Variants in TACR1 observed in about 807,000 individuals in gnomAD.
TACR1 encodes tachykinin receptor 1.
TACR1 carries 25 observed loss-of-function variants against 35.8 expected under a neutral mutation model. The ratio of observed to expected loss-of-function variants is 0.70; its 90% CI spans 0.51 to 0.98. The LOEUF is 0.98. Among genes scored for constraint, TACR1 ranks in the 50% least tolerant of loss-of-function variants. The pLI is 0.00. For missense variants in TACR1, 478 were observed against 522.9 expected, an observed-to-expected ratio of 0.91 and a Z score of 0.84; for synonymous variants, 195 against 206.7, an observed-to-expected ratio of 0.94 and a Z score of 0.48.
chr2:75,080,663 C>T (rs777063859), intron 2 of TACR1, among the ~76,000 whole-genome samples: 1 of 152,178 alleles, frequency 6.6e-6, no homozygotes, highest in Non-Finnish European at 1.5e-5. Flanking sequence ...ATCTCATGAG[C>T]TTAAATAAGT....
chr2:75,118,059 A>T (rs2103901619), intron 2 of TACR1, among the ~76,000 whole-genome samples: 1 of 152,026 alleles, frequency 6.6e-6, no homozygotes, highest in South Asian at 2.1e-4. Flanking sequence ...CAAAACACAC[A>T]CTCTTCTAAT....
At chr2:75,158,944 T>C (rs1388007774) in intron 1 of TACR1, among the ~76,000 whole-genome samples, 1 of 152,214 alleles carries the variant, frequency 6.6e-6, no homozygotes, top group African/African-American at 2.4e-5. Flanking sequence ...ATGGAGCTAG[T>C]AATTGTACCA....
chr2:75,132,618 A>T (rs1016751856), intron 1 of TACR1, among the ~76,000 whole-genome samples: 1 of 152,194 alleles, frequency 6.6e-6, no homozygotes. Flanking sequence ...GTTCTCACTC[A>T]TGGTGACCTC....
chr2:75,049,792 T>G (rs1010452915), intron 4 of TACR1, 69 bp from the exon 5 acceptor site: 1 of 1,505,410 alleles, frequency 6.6e-7, no homozygotes, highest in African/African-American at 1.4e-5. Context: ...CACCACTGCA[T>G]CAGCTTGTTA....
intron 2 of TACR1, among the ~76,000 whole-genome samples, chr2:75,089,045 G>A (rs770539873): frequency 5.3e-5 from 8 of 152,040 alleles, no homozygotes; most frequent in Non-Finnish European, 8.8e-5. Context: ...TAGTTTTAAC[G>A]CACCCTAACT....
chr2:75,170,370 T>A (rs537723702), intron 1 of TACR1, among the ~76,000 whole-genome samples: 1 of 152,242 alleles, frequency 6.6e-6, no homozygotes, highest in Non-Finnish European at 1.5e-5. Flanking sequence ...TCCCTAGCCA[T>A]GTGGAACTGT....
chr2:75,065,903 A>G (rs1159953385), intron 2 of TACR1, among the ~76,000 whole-genome samples: 1 of 152,180 alleles, frequency 6.6e-6, no homozygotes, highest in African/African-American at 2.4e-5. Flanking sequence ...CCTGTGACTA[A>G]TAGCCATCCA....
chr2:75,163,102 C>T (rs1268766461), intron 1 of TACR1, among the ~76,000 whole-genome samples: 1 of 152,198 alleles, frequency 6.6e-6, no homozygotes, highest in Non-Finnish European at 1.5e-5. Context: ...CTTACCCAGT[C>T]ATGGCAAACT....
At chr2:75,053,470 C>T in intron 3 of TACR1, 135 bp downstream of exon 3, 1 of 1,156,878 alleles carries the variant, frequency 8.6e-7, no homozygotes, top group South Asian at 2.5e-5. Context: ...AAAGATTCCT[C>T]TCCTCCTCTC....
chr2:75,168,894 T>G (rs990604323), intron 1 of TACR1, among the ~76,000 whole-genome samples: 1 of 152,146 alleles, frequency 6.6e-6, no homozygotes, highest in African/African-American at 2.4e-5. Context: ...ACCAGAGACT[T>G]TTTCCCCTAC....
intron 1 of TACR1, among the ~76,000 whole-genome samples, chr2:75,165,451 G>A (rs1675116214): frequency 6.6e-6 from 1 of 152,144 alleles, no homozygotes; most frequent in Non-Finnish European, 1.5e-5. Flanking sequence ...TGGGACTACA[G>A]GCAACCGCCA....
chr2:75,085,087 A>C lies in TACR1; in HGVS notation c.585-31332T>G, dbSNP rs1448452616. Reference sequence around the variant, plus strand: ...TTTAGTGCTATAAATTTCCCTCTACACACTGCTTTAAATGTGTCCCAGAGA... The same window carrying C: ...TTTAGTGCTATAAATTTCCCTCTACCCACTGCTTTAAATGTGTCCCAGAGA... On this transcript the variant is annotated intron_variant, in intron 2 of 4. Coordinates refer to ENST00000305249, the MANE Select transcript of TACR1 (RefSeq NM_001058.4). Among the ~76,000 whole-genome samples the C allele has an allele frequency of 2.0e-5, 3 of 151,612 alleles. No individual in the cohort carries two copies. The East Asian group carries it at 5.8e-4, about 29-fold the overall frequency.
chr2:75,063,778 TAACTC>T (rs893493389), intron 2 of TACR1, among the ~76,000 whole-genome samples: 1 of 152,244 alleles, frequency 6.6e-6, no homozygotes, highest in African/African-American at 2.4e-5. Flanking sequence ...ACTCTGGTCT[TAACTC>T]AGAACACGTA....
chr2:75,067,311 A>G (rs746553971), intron 2 of TACR1, among the ~76,000 whole-genome samples: 1 of 152,156 alleles, frequency 6.6e-6, no homozygotes, highest in Non-Finnish European at 1.5e-5. Flanking sequence ...TAGCAAAGTC[A>G]CCTGTTCAGG....
chr2:75,053,595 C>G lies in TACR1; in HGVS notation c.735+10G>C, dbSNP rs371424185. 3.3e-6 allele frequency: 5 copies of G among 1,522,056 alleles called. No homozygotes were observed. The African/African-American group carries it at 4.2e-5, about 13-fold the overall frequency. The allele number at this position is 1,522,056 out of a possible 1,614,324, so 94.3% of individuals were successfully genotyped here. ...CCAGGGTGGGTTAGTTCTGCCTGTC[C>G]CCTGCTCACCTTGCGCTTGGCAGAG... On this transcript the variant is annotated intron_variant, in intron 3 of 4. Coordinates refer to ENST00000305249, the MANE Select transcript of TACR1 (RefSeq NM_001058.4).
intron 1 of TACR1, among the ~76,000 whole-genome samples, chr2:75,159,083 TGTAGCTAATTTTGTAGGAAAGGCCAAA>T (rs1191412777): frequency 2.6e-5 from 4 of 152,094 alleles, no homozygotes; most frequent in African/African-American, 9.7e-5. Context: ...AGATAAACAA[TGTAGCTAATTTTGTAGGAAAGGCCAAA>T]GTAGCTAATT....
At chr2:75,079,847 T>C (rs1028879202) in intron 2 of TACR1, among the ~76,000 whole-genome samples, 2 of 151,800 alleles carry the variant, frequency 1.3e-5, no homozygotes, top group Non-Finnish European at 2.9e-5. Flanking sequence ...TTCTGGAGTA[T>C]TGATCCCATG....
intron 1 of TACR1, among the ~76,000 whole-genome samples, chr2:75,148,133 G>C (rs946418715): frequency 1.3e-5 from 2 of 152,076 alleles, no homozygotes; most frequent in East Asian, 1.9e-4. Context: ...TGGGCATTTG[G>C]GTTGGTTCCA....
At chr2:75,197,319 C>A (rs1445856973) in intron 1 of TACR1, among the ~76,000 whole-genome samples, 1 of 152,176 alleles carries the variant, frequency 6.6e-6, no homozygotes, top group Non-Finnish European at 1.5e-5. Context: ...AAAAAGACTT[C>A]TAATAATTTG....
Sources: gnomAD v4.1 joint callset for allele counts (sites outside exome capture counted in the v4.1 genomes callset) on GRCh38, gnomAD v4.1.1 for gene constraint, MANE v1.5 for transcripts, NCBI Gene and HGNC (gene_info 2026-07-23, HGNC 2026-07-21) for gene names.